Variants in ARHGEF3 observed in about 807,000 individuals in gnomAD.
The protein encoded by ARHGEF3 is 59.8 kDA protein.
A neutral mutation model predicts 63.2 loss-of-function variants in ARHGEF3; 28 were observed. The observed-to-expected ratio is 0.44, with a 90% CI of 0.33 to 0.61. ARHGEF3 has a LOEUF of 0.61. ARHGEF3 is among the 20% of genes least tolerant of loss of function. The probability of loss-of-function intolerance (pLI) is 0.03; values close to 1 mark genes in which losing one functional copy is unlikely to be tolerated. For missense variants in ARHGEF3, 533 were observed against 659.3 expected (o/e 0.81, Z 2.10); for synonymous variants, 266 against 254.2 (o/e 1.05, Z -0.44).
intron 4 of ARHGEF3, among the ~76,000 whole-genome samples, chr3:56,866,412 G>A (rs538255407): frequency 8.5e-5 from 13 of 152,272 alleles, no homozygotes; most frequent in East Asian, 3.9e-4. Flanking sequence ...GGTGCCCTGC[G>A]TCATGTTCCT....
At position 56,947,396 on chromosome 3, in the gene ARHGEF3, A is replaced by G. The variant is rs552808976; in HGVS notation, c.129+11427T>C. Among the ~76,000 whole-genome samples, 20 of 152,342 alleles carry G rather than the reference A, an allele frequency of 1.3e-4. No individual in the cohort carries two copies. The East Asian group carries it at 3.9e-3, about 29-fold the overall frequency. ...TTCAGGAAACCCATCTCACCTGCAG[A>G]GACACATATAGGCTCAAAATAAAGG... is the stretch of plus-strand genomic sequence containing the variant. On this transcript the variant is annotated intron_variant, in intron 3 of 12. Coordinates refer to the ARHGEF3 transcript ENST00000338458.
intron 3 of ARHGEF3, among the ~76,000 whole-genome samples, chr3:56,899,125 A>G (rs1425147676): frequency 2.0e-5 from 3 of 152,148 alleles, no homozygotes; most frequent in Non-Finnish European, 4.4e-5. Context: ...GGGAGTTTCA[A>G]TCCACCAACT....
In ARHGEF3 at chr3:56,794,970, C is replaced by T. The variant is rs2037274909; in HGVS notation, c.96+6733G>A. ...AACTCCCTGGCTCCAGCAATTCTCC[C>T]ACCTCAGCCTCCCAAGTAACTGGGA... On this transcript the variant is annotated intron_variant, in intron 1 of 9. Coordinates refer to ENST00000296315, the MANE Select transcript of ARHGEF3 (RefSeq NM_019555.3). Among the ~76,000 whole-genome samples the T allele has an allele frequency of 2.0e-5, 3 of 152,128 alleles. No homozygotes were observed. In the South Asian group the frequency reaches 6.2e-4, roughly 32 times the overall value.
intron 4 of ARHGEF3, among the ~76,000 whole-genome samples, chr3:56,833,696 A>G (rs1470299000): frequency 1.3e-5 from 2 of 152,186 alleles, no homozygotes; most frequent in African/African-American, 4.8e-5. Flanking sequence ...TTGGTTCTCT[A>G]AGGCTCAAAC....
At chr3:56,947,668 C>T (rs966236150) in intron 3 of ARHGEF3, among the ~76,000 whole-genome samples, 2 of 152,108 alleles carry the variant, frequency 1.3e-5, no homozygotes, top group African/African-American at 4.8e-5. Flanking sequence ...GACTGCCACA[C>T]AATAATAATG....
chr3:56,812,372 A>G (rs1382115348), intron 4 of ARHGEF3, among the ~76,000 whole-genome samples: 1 of 152,222 alleles, frequency 6.6e-6, no homozygotes, highest in African/African-American at 2.4e-5. Context: ...CAGATATGAT[A>G]GAGCTTTCAG....
At chr3:56,843,682 C>A (rs538192234) in intron 4 of ARHGEF3, among the ~76,000 whole-genome samples, 160 of 152,224 alleles carry the variant, frequency 1.1e-3, no homozygotes, top group African/African-American at 3.9e-3. Flanking sequence ...TCCATGTATT[C>A]CATAGTGTAG....
At chr3:56,855,509 C>A (rs1443155092) in intron 4 of ARHGEF3, among the ~76,000 whole-genome samples, 1 of 151,730 alleles carries the variant, frequency 6.6e-6, no homozygotes, top group East Asian at 1.9e-4. Context: ...CATGGTAAAA[C>A]CCCTCTCTAC....
chr3:56,877,838 T>A (rs763951178), intron 4 of ARHGEF3, among the ~76,000 whole-genome samples: 2 of 152,198 alleles, frequency 1.3e-5, no homozygotes, highest in Non-Finnish European at 2.9e-5. Context: ...GGCATCACTG[T>A]TTAGGGCGTA....
chr3:57,025,148 T>C (rs1355453108), intron 2 of ARHGEF3, among the ~76,000 whole-genome samples: 1 of 152,140 alleles, frequency 6.6e-6, no homozygotes, highest in Non-Finnish European at 1.5e-5. Context: ...CTGTTCTGGA[T>C]CGAAGGAGAC....
chr3:57,035,717 GAGA>G (rs1292005530), intron 1 of ARHGEF3, among the ~76,000 whole-genome samples: 2 of 152,232 alleles, frequency 1.3e-5, no homozygotes, highest in African/African-American at 2.4e-5. Flanking sequence ...AGTGGAACGT[GAGA>G]AGAAGTGATG....
chr3:56,747,805 C>T (rs1189580945), intron 6 of ARHGEF3, among the ~76,000 whole-genome samples: 1 of 152,164 alleles, frequency 6.6e-6, no homozygotes, highest in Non-Finnish European at 1.5e-5. Flanking sequence ...GCCTTGGCGA[C>T]AGAGAGAGAC....
intron 2 of ARHGEF3, among the ~76,000 whole-genome samples, chr3:57,011,927 G>A (rs936394483): frequency 6.6e-6 from 1 of 152,166 alleles, no homozygotes; most frequent in Admixed American, 6.5e-5. Flanking sequence ...AAGCGGTGGG[G>A]TCTGGTTAGG....
intron 4 of ARHGEF3, among the ~76,000 whole-genome samples, chr3:56,834,746 C>CA (rs763133636): frequency 0.027 from 1,915 of 69,704 alleles, 28 homozygotes; most frequent in African/African-American, 0.05. Flanking sequence ...CTCTGACTTA[C>CA]AAAAAAAAAA....
chr3:56,784,440 C>T (rs1474747196), intron 1 of ARHGEF3, among the ~76,000 whole-genome samples: 2 of 152,136 alleles, frequency 1.3e-5, no homozygotes, highest in African/African-American at 2.4e-5. Context: ...GGTCACACAA[C>T]GAGGCACCCA....
chr3:56,737,233 G>A lies in ARHGEF3; in HGVS notation c.993C>T (p.Ser331=). Residue 331 remains serine (S), a synonymous_variant, in exon 8 of 10, where the codon AGC becomes AGT. Transcript: ENST00000296315. ...CACCATGACAACACAAGACTCGAGA[G>A]CTGTCGATCAGGGAGTCTTTCTGGC... The part of the protein sequence containing the change: ...EEGQKDSLID[S]SRVLCCHGEL... 6.2e-7 allele frequency: 1 copy of A among 1,614,130 alleles called. No homozygotes were observed. The highest frequency in any genetic ancestry group is 8.5e-7 in the Non-Finnish European group (1 of 1,180,006).
Position 56,729,306 on chromosome 3 carries a change from G to A in ARHGEF3, c.1545C>T (p.Ser515=), listed in dbSNP as rs2032937934. The change falls in exon 10 of 10, where the codon TCC becomes TCT. Residue 515 remains serine, a synonymous_variant. Coordinates refer to ENST00000296315, the MANE Select transcript of ARHGEF3 (RefSeq NM_019555.3). ...TTTCACCGTGCCTGCTGTTTCCACAGGAAGAGTCTGTCTGTTCCATGCGCT... is the reference window on the plus strand; with the variant it reads ...TTTCACCGTGCCTGCTGTTTCCACAAGAAGAGTCTGTCTGTTCCATGCGCT... The part of the protein sequence containing the change: ...DCERMEQTDS[S]CGNSRHGESN... 1 of 1,613,944 alleles carries A rather than the reference G, an allele frequency of 6.2e-7. No individual in the cohort carries two copies. Among genetic ancestry groups the A allele is most frequent in the South Asian group, 1.1e-5 (1 of 91,062 alleles).
At chr3:57,060,151 C>A (rs1225650727) in intron 1 of ARHGEF3, among the ~76,000 whole-genome samples, 3 of 151,854 alleles carry the variant, frequency 2.0e-5, no homozygotes, top group African/African-American at 7.3e-5. Context: ...GAGACCCCAT[C>A]TCTATAAAAA....
chr3:56,964,350 CAAAA>C (rs11347724), intron 2 of ARHGEF3, among the ~76,000 whole-genome samples: 7 of 101,132 alleles, frequency 6.9e-5, no homozygotes, highest in African/African-American at 7.9e-5. Flanking sequence ...AAGACTGTCT[CAAAA>C]AAAAAAAAAA....
Sources: gnomAD v4.1 joint callset for allele counts (sites outside exome capture counted in the v4.1 genomes callset) on GRCh38, gnomAD v4.1.1 for gene constraint, MANE v1.5 for transcripts, NCBI Gene and HGNC (gene_info 2026-07-23, HGNC 2026-07-21) for gene names.